RBFOX1: variants seen among roughly 807,000 people sequenced by gnomAD.
The protein encoded by RBFOX1 is RNA binding protein fox-1 homolog 1.
A neutral mutation model predicts 57.7 loss-of-function variants in RBFOX1; 8 were observed. The ratio of observed to expected loss-of-function variants is 0.14; its 90% CI spans 0.08 to 0.25. RBFOX1 has a LOEUF of 0.25. Ranked by LOEUF, RBFOX1 falls within the 10% of genes least tolerant of loss-of-function variation. The pLI is 1.00. For synonymous variants in RBFOX1, 326 were observed against 222.4 expected (o/e 1.47, Z -4.15); for missense variants, 611 against 548.5 (o/e 1.11, Z -1.14).
At chr16:6,235,771 G>A (rs1272163182) in intron 1 of RBFOX1, among the ~76,000 whole-genome samples, 3 of 152,088 alleles carry the variant, frequency 2.0e-5, no homozygotes, top group African/African-American at 2.4e-5. Context: ...AAAACCAAAC[G>A]TGGTATGTTC....
intron 4 of RBFOX1, among the ~76,000 whole-genome samples, chr16:7,110,019 T>G (rs1375838171): frequency 6.6e-6 from 1 of 150,432 alleles, no homozygotes; most frequent in Non-Finnish European, 1.5e-5. Context: ...GGAGGAGGAG[T>G]TATAATTCAC....
At chr16:6,486,349 T>C (rs1249207747) in intron 2 of RBFOX1, among the ~76,000 whole-genome samples, 1 of 152,016 alleles carries the variant, frequency 6.6e-6, no homozygotes, top group African/African-American at 2.4e-5. Context: ...TTATAATTTT[T>C]ATATTAGATT....
rs1156799249 is a variant in RBFOX1, at chr16:6,019,783, C to G, written c.-336C>G. On this transcript the variant is annotated 5_prime_UTR_variant, in exon 1 of 16. Transcript: ENST00000550418. This position sits in a 1 kb window ranked among gnomAD's most constrained non-coding sequence, Gnocchi z 4.2. ...CCCCACCCAGTGGCCGCCAGGGTCC[C>G]CGCCTGTCCGGACCCTCGCCGCGCC... 3 of 1,445,250 alleles carry G rather than the reference C, an allele frequency of 2.1e-6. No homozygotes were observed. Among genetic ancestry groups the G allele is most frequent in the South Asian group, 2.8e-5 (2 of 72,318 alleles). The allele number at this position is 1,445,250 out of a possible 1,614,324, so 89.5% of individuals were successfully genotyped here.
chr16:7,513,588 A>T (rs28588455), intron 4 of RBFOX1, among the ~76,000 whole-genome samples: 55,246 of 151,914 alleles, frequency 0.36, 11,438 homozygotes, highest in East Asian at 0.56. Context: ...CCTGGCCTCC[A>T]CCCACTAGAT....
chr16:6,401,317 T>C (rs2093058598), intron 2 of RBFOX1, among the ~76,000 whole-genome samples: 2 of 152,122 alleles, frequency 1.3e-5, no homozygotes, highest in African/African-American at 4.8e-5. Flanking sequence ...GAAAGGCAAA[T>C]GCATAAGTGT....
intron 13 of RBFOX1, among the ~76,000 whole-genome samples, chr16:7,669,784 T>C (rs925258261): frequency 6.6e-6 from 1 of 152,154 alleles, no homozygotes; most frequent in Non-Finnish European, 1.5e-5. Flanking sequence ...AAAGTAGGAA[T>C]TCTTTAAATA....
intron 4 of RBFOX1, among the ~76,000 whole-genome samples, chr16:7,408,449 A>T (rs1315386171): frequency 6.6e-6 from 1 of 152,232 alleles, no homozygotes; most frequent in African/African-American, 2.4e-5. Flanking sequence ...CATCTCTGAA[A>T]ATATTCCGTA....
At chr16:5,632,004 G>C (rs764170253) in intron 3 of RBFOX1, among the ~76,000 whole-genome samples, 1 of 152,140 alleles carries the variant, frequency 6.6e-6, no homozygotes, top group Non-Finnish European at 1.5e-5. Flanking sequence ...TCCGTCTAAA[G>C]ATCTCACAGG....
intron 4 of RBFOX1, among the ~76,000 whole-genome samples, chr16:7,472,452 T>G (rs2061738037): frequency 1.3e-5 from 2 of 152,224 alleles, no homozygotes; most frequent in Non-Finnish European, 2.9e-5. Flanking sequence ...GGCTGAACTA[T>G]AAGTCTGAAA....
chr16:5,615,924 T>C (rs564479086), intron 3 of RBFOX1, among the ~76,000 whole-genome samples: 4 of 152,272 alleles, frequency 2.6e-5, no homozygotes, highest in Admixed American at 2.0e-4. Flanking sequence ...CAGTGGAGCT[T>C]CTGTTAATGG....
intron 1 of RBFOX1, among the ~76,000 whole-genome samples, chr16:5,241,417 C>G (rs1240861279): frequency 2.6e-5 from 4 of 152,198 alleles, no homozygotes; most frequent in Non-Finnish European, 5.9e-5. Context: ...AAGTCCCTCT[C>G]ACTCCCTCTA....
intron 3 of RBFOX1, among the ~76,000 whole-genome samples, chr16:7,008,354 C>T (rs184260239): frequency 1.3e-5 from 2 of 152,042 alleles, no homozygotes; most frequent in East Asian, 3.9e-4. Context: ...CCATTCTGGC[C>T]AGTATGATGA....
At chr16:5,918,630 T>C (rs540586811) in intron 4 of RBFOX1, among the ~76,000 whole-genome samples, 1 of 152,306 alleles carries the variant, frequency 6.6e-6, no homozygotes, top group African/African-American at 2.4e-5. Flanking sequence ...ATTTGCAGGG[T>C]AGACAGTGAG....
intron 2 of RBFOX1, among the ~76,000 whole-genome samples, chr16:6,493,163 T>G (rs1187641625): frequency 6.6e-6 from 1 of 152,202 alleles, no homozygotes; most frequent in African/African-American, 2.4e-5. Flanking sequence ...AGGTATTCTG[T>G]GTTGGACATA....
intron 1 of RBFOX1, among the ~76,000 whole-genome samples, chr16:5,342,026 T>G (rs531236521): frequency 2.0e-5 from 3 of 151,980 alleles, no homozygotes; most frequent in Non-Finnish European, 4.4e-5. Context: ...GAAAAAAGAG[T>G]CAGTGGTGGG....
chr16:5,318,261 T>A (rs917377381), intron 1 of RBFOX1, among the ~76,000 whole-genome samples: 5 of 152,170 alleles, frequency 3.3e-5, no homozygotes, highest in African/African-American at 4.8e-5. Context: ...CCCAAGTAGG[T>A]GGGATTACAG....
At chr16:6,240,677 T>G (rs927199080) in intron 1 of RBFOX1, among the ~76,000 whole-genome samples, 1 of 141,622 alleles carries the variant, frequency 7.1e-6, no homozygotes, top group African/African-American at 2.9e-5. Context: ...TATGATTTTC[T>G]TTTTCCTAAA....
chr16:5,922,107 G>C (rs2058836517), intron 4 of RBFOX1, among the ~76,000 whole-genome samples: 1 of 152,162 alleles, frequency 6.6e-6, no homozygotes, highest in African/African-American at 2.4e-5. Context: ...GCTGCAGTGA[G>C]CTCTGATCGC....
chr16:5,483,878 A>G (rs1419533604), intron 2 of RBFOX1, among the ~76,000 whole-genome samples: 1 of 152,178 alleles, frequency 6.6e-6, no homozygotes, highest in East Asian at 1.9e-4. Flanking sequence ...TGTAATCACG[A>G]TGCCTGCCAG....
Sources: gnomAD v4.1 joint callset for allele counts (sites outside exome capture counted in the v4.1 genomes callset) on GRCh38, gnomAD v4.1.1 for gene constraint, Gnocchi (gnomAD v3.1) non-coding constraint, MANE v1.5 for transcripts, NCBI Gene and HGNC (gene_info 2026-07-23, HGNC 2026-07-21) for gene names.